SLC7A6: variants seen among roughly 807,000 people sequenced by gnomAD.
The protein encoded by SLC7A6 is Y+L amino acid transporter 2.
SLC7A6 carries 29 observed loss-of-function variants against 46.6 expected under a neutral mutation model. The ratio of observed to expected loss-of-function variants is 0.62; its 90% CI spans 0.46 to 0.85. The LOEUF (loss-of-function observed/expected upper bound fraction) is 0.85. SLC7A6 is among the 40% of genes least tolerant of loss of function. The pLI is 0.00. For synonymous variants in SLC7A6, 276 were observed against 257.3 expected, an observed-to-expected ratio of 1.07 and a Z score of -0.70; for missense variants, 527 against 647.6, an observed-to-expected ratio of 0.81 and a Z score of 2.02.
chr16:68,291,326 G>A lies in SLC7A6; in HGVS notation c.912G>A (p.Val304=), dbSNP rs1298550831. The A allele has an allele frequency of 1.2e-6, 2 of 1,614,028 alleles. No individual in the cohort carries two copies. The highest frequency in any genetic ancestry group is 2.2e-5 in the South Asian group (2 of 91,066). The change falls in exon 6 of 11, where the codon GTG becomes GTA. Residue 304 remains valine (V), a synonymous_variant. Coordinates refer to ENST00000219343, the MANE Select transcript of SLC7A6 (RefSeq NM_003983.6). ...NISDVLSSDA[V]AVTFADQTFG... is the part of the protein sequence containing the mutation. ...CAGATGTCCTTAGCAGTGATGCTGT[G>A]GCTGTGGTGAGTCTCTTGGGATCCC...
In SLC7A6 at chr16:68,264,980, G is replaced by T. The variant is rs2042504273; in HGVS notation, c.-166+404G>T. Among the ~76,000 whole-genome samples the T allele has an allele frequency of 1.3e-5, 2 of 152,216 alleles. No individual in the cohort carries two copies. The highest frequency in any genetic ancestry group is 3.9e-4 in the East Asian group (2 of 5,192). On this transcript the variant is annotated intron_variant, in intron 1 of 10. Coordinates refer to ENST00000219343, the MANE Select transcript of SLC7A6 (RefSeq NM_003983.6). The surrounding 1 kb of genome is among the most constrained non-coding windows in gnomAD (Gnocchi z 5.8). The stretch of plus-strand genomic sequence containing the variant: ...GGCCGCGCCGCGAGCGTGAGACTGT[G>T]CGACGGTGACCCTGAGTGGGGCTGT...
chr16:68,289,385 G>A (rs971270420), intron 4 of SLC7A6, among the ~76,000 whole-genome samples: 5 of 152,190 alleles, frequency 3.3e-5, no homozygotes, highest in Admixed American at 6.5e-5. Context: ...AGTTAGTAGA[G>A]CTAGCCATGT....
In SLC7A6 at chr16:68,299,442, A is replaced by C. The variant is rs939171016; in HGVS notation, c.*2114A>C. 6.6e-6 allele frequency: 1 copy of C among 152,504 alleles called. No homozygotes were observed. Among genetic ancestry groups the C allele is most frequent in the African/African-American group, 2.4e-5 (1 of 41,384 alleles). 9.4% of individuals were successfully genotyped at this position (152,504 alleles called of 1,614,324 possible). ...TTTTTCCCCTCTGTGCTGGATACAG[A>C]CTTCTCCCAGGATCCTCTCTTTGGG... is the stretch of plus-strand genomic sequence containing the variant. On this transcript the variant is annotated 3_prime_UTR_variant, in exon 11 of 11. Coordinates refer to ENST00000219343, the MANE Select transcript of SLC7A6 (RefSeq NM_003983.6).
chr16:68,270,339 GT>G (rs373776084), intron 2 of SLC7A6, among the ~76,000 whole-genome samples: 28 of 149,966 alleles, frequency 1.9e-4, no homozygotes, highest in African/African-American at 4.4e-4. Flanking sequence ...AGGCATAGAG[GT>G]TTTTTTTTTC....
rs1285057913 is a variant in SLC7A6 at position 68,296,919 on chromosome 16, G to A, written c.1453+109G>A. The A allele has an allele frequency of 7.7e-6, 9 of 1,166,498 alleles. No homozygotes were observed. The African/African-American group carries it at 1.2e-4, about 16-fold the overall frequency. 72.3% of individuals were successfully genotyped at this position (1,166,498 alleles called of 1,614,324 possible). On this transcript the variant is annotated intron_variant, in intron 10 of 10. Coordinates refer to ENST00000219343, the MANE Select transcript of SLC7A6 (RefSeq NM_003983.6). The stretch of plus-strand genomic sequence containing the variant: ...ATACTCAGAATTTGCTGGAGGCCAT[G>A]TGACCCAGCTGTCCACGACTTCCCT...
At position 68,290,457 on chromosome 16, in the gene SLC7A6, T is replaced by A; in HGVS notation, c.711T>A (p.Ser237=). The A allele has an allele frequency of 6.2e-7, 1 of 1,614,182 alleles. No individual in the cohort carries two copies. Among genetic ancestry groups the A allele is most frequent in the Non-Finnish European group, 8.5e-7 (1 of 1,180,024 alleles). ...EGSSWDMGNL[S]LALYSALFSY... is the part of the protein sequence containing the mutation. The stretch of plus-strand genomic sequence containing the variant: ...CCTCCTGGGACATGGGAAACCTCTC[T>A]CTTGCCCTCTACTCTGCCCTCTTCT... Residue 237 remains serine, a synonymous_variant, in exon 5 of 11, where the codon TCT becomes TCA. Transcript: ENST00000219343.
chr16:68,273,887 C>G (rs2042664344), intron 2 of SLC7A6: 1 of 152,088 alleles, frequency 6.6e-6, no homozygotes, highest in Non-Finnish European at 1.5e-5. Context: ...GCCTCAGCCT[C>G]CTGAGTGGGG....
At chr16:68,284,760 A>G (rs1471373780) in intron 3 of SLC7A6, 3 of 429,118 alleles carry the variant, frequency 7.0e-6, no homozygotes, top group African/African-American at 6.9e-5. Flanking sequence ...CTCCATGTTT[A>G]TTTCCACCTT....
intron 7 of SLC7A6, among the ~76,000 whole-genome samples, chr16:68,293,618 G>C (rs781119955): frequency 2.6e-5 from 4 of 152,272 alleles, no homozygotes; most frequent in Non-Finnish European, 4.4e-5. Flanking sequence ...GTGTGGCCTT[G>C]TATGCAGGTT....
Position 68,271,806 on chromosome 16 carries a change from TTTC to T in SLC7A6, c.-36-2882_-36-2880del, listed in dbSNP as rs749464207. On this transcript the variant is annotated intron_variant, in intron 2 of 10. Coordinates refer to ENST00000219343, the MANE Select transcript of SLC7A6 (RefSeq NM_003983.6). ...CTCTTGATAACAATTGCATTTTTCT[TTTC>T]TTTTTTTTTTTGAGACAGAGTCTTG... Among the ~76,000 whole-genome samples the T allele has an allele frequency of 5.6e-5, 7 of 124,320 alleles. No homozygotes were observed. In the South Asian group the frequency reaches 1.7e-3, roughly 30 times the overall value. The allele number at this position is 124,320 out of a possible 152,430, so 81.6% of individuals were successfully genotyped here.
chr16:68,300,826 C>A lies in SLC7A6; in HGVS notation c.*3498C>A. ...TCCAGTCTGTATTGCTACAAGGGAC[C>A]CACTGGTACCCCTTTTAGATTCTAT... On this transcript the variant is annotated 3_prime_UTR_variant, in exon 11 of 11. Transcript: ENST00000219343. 2.0e-6 allele frequency: 2 copies of A among 986,254 alleles called. No individual in the cohort carries two copies. The highest frequency in any genetic ancestry group is 9.4e-5 in the South Asian group (2 of 21,338). The allele number at this position is 986,254 out of a possible 1,614,324, so 61.1% of individuals were successfully genotyped here.
In SLC7A6 at chr16:68,297,234, C is replaced by A; in HGVS notation, c.1454C>A (p.Ala485Asp). The A allele has an allele frequency of 6.2e-7, 1 of 1,613,528 alleles. No homozygotes were observed. Reference sequence around the variant, plus strand: ...CTGTGCTTGCTCTATTTTCATTTAGCTGCTATCACCAGAGGCACCCAGCAG... The same window carrying A: ...CTGTGCTTGCTCTATTTTCATTTAGATGCTATCACCAGAGGCACCCAGCAG... ...RRPLFIRNVL[A>D]AITRGTQQLC... The change falls in exon 11 of 11, where the codon GCT becomes GAT. Residue 485 changes from alanine (A) to aspartate (D), a missense_variant and splice_region_variant. Coordinates refer to ENST00000219343, the MANE Select transcript of SLC7A6 (RefSeq NM_003983.6).
At chr16:68,283,495 C>T (rs1430141515) in intron 3 of SLC7A6, among the ~76,000 whole-genome samples, 1 of 152,212 alleles carries the variant, frequency 6.6e-6, no homozygotes, top group African/African-American at 2.4e-5. Context: ...CCTGGTTGCA[C>T]AGCCGTACCT....
chr16:68,270,846 T>C (rs1012137784), intron 2 of SLC7A6, among the ~76,000 whole-genome samples: 4 of 146,136 alleles, frequency 2.7e-5, no homozygotes, highest in African/African-American at 1.0e-4. Flanking sequence ...TTGAGGACTT[T>C]CCATTTTATA....
intron 9 of SLC7A6, 52 bp from the exon 10 acceptor site, chr16:68,296,575 C>CG (rs1309180150): frequency 6.2e-7 from 1 of 1,613,416 alleles, no homozygotes; most frequent in East Asian, 2.2e-5. Flanking sequence ...TTCTTGCCCA[C>CG]GAGCTGTTTC....
In SLC7A6 at chr16:68,283,970, G is replaced by A. The variant is rs372416594; in HGVS notation, c.524-3776G>A. Among the ~76,000 whole-genome samples, 11 of 152,224 alleles carry A rather than the reference G, an allele frequency of 7.2e-5. No individual in the cohort carries two copies. The East Asian group carries it at 1.7e-3, about 24-fold the overall frequency. On this transcript the variant is annotated intron_variant, in intron 3 of 10. Coordinates refer to ENST00000219343, the MANE Select transcript of SLC7A6 (RefSeq NM_003983.6). ...AATTTTGTTTCTTAATTAGAATCAG[G>A]AGAACAGTCAAGGGACTTGGCTTCT...
rs1205853260 is a variant in SLC7A6 at position 68,301,096 on chromosome 16, G to T, written c.*3768G>T. 4.6e-6 allele frequency: 6 copies of T among 1,315,484 alleles called. No individual in the cohort carries two copies. In the African/African-American group the frequency reaches 9.0e-5, roughly 20 times the overall value. The allele number at this position is 1,315,484 out of a possible 1,614,324, so 81.5% of individuals were successfully genotyped here. A position where few individuals can be genotyped will look rare whatever the true frequency, so the allele number is the denominator to read the frequency against. The stretch of plus-strand genomic sequence containing the variant: ...AAGGGGTCCTACTGTAAGTGGAAAA[G>T]ACTCACTCCCCTAACATAAGTTTTC... On this transcript the variant is annotated 3_prime_UTR_variant, in exon 11 of 11. Transcript: ENST00000219343.
In SLC7A6 at chr16:68,274,780, C is replaced by T; in HGVS notation, c.54C>T (p.Asn18=). Residue 18 remains asparagine, a synonymous_variant, in exon 3 of 11, where the codon AAC becomes AAT. Coordinates refer to ENST00000219343, the MANE Select transcript of SLC7A6 (RefSeq NM_003983.6). The stretch of plus-strand genomic sequence containing the variant: ...CACCCACCTACCATCTTGTCCCTAA[C>T]ACCAGCCAGTCCCAGGTGGAAGAAG... The part of the protein sequence containing the change: ...RPTPTYHLVP[N]TSQSQVEEDV... The T allele has an allele frequency of 6.2e-7, 1 of 1,614,226 alleles. No homozygotes were observed. The highest frequency in any genetic ancestry group is 8.5e-7 in the Non-Finnish European group (1 of 1,180,036).
intron 3 of SLC7A6, among the ~76,000 whole-genome samples, chr16:68,285,016 G>A (rs1355619632): frequency 6.6e-6 from 1 of 151,784 alleles, no homozygotes; most frequent in Admixed American, 6.6e-5. Context: ...GACTCCAGGT[G>A]TGCACCGCTG....
Sources: gnomAD v4.1 joint callset for allele counts (sites outside exome capture counted in the v4.1 genomes callset) on GRCh38, gnomAD v4.1.1 for gene constraint, Gnocchi (gnomAD v3.1) non-coding constraint, MANE v1.5 for transcripts, NCBI Gene and HGNC (gene_info 2026-07-23, HGNC 2026-07-21) for gene names.